The following CFAP54 variants were observed in gnomAD, a reference collection of about 807,000 sequenced individuals.
CFAP54 encodes the protein cilia- and flagella-associated protein 54.
Under a neutral mutation model 370.4 loss-of-function variants are expected in CFAP54, and 290 were observed. The observed-to-expected ratio is 0.78, with a 90% CI of 0.71 to 0.86. The LOEUF (loss-of-function observed/expected upper bound fraction) is 0.86, where lower values mean the gene tolerates loss of function less well. CFAP54 is among the 40% of genes least tolerant of loss of function. CFAP54 has a pLI of 0.00. For missense variants in CFAP54, 3,399 were observed against 3,528.7 expected (o/e 0.96, Z 0.93); for synonymous variants, 1,206 against 1,236.5 (o/e 0.98, Z 0.52).
intron 66 of CFAP54, among the ~76,000 whole-genome samples, chr12:96,843,616 A>G (rs777367145): frequency 1.3e-5 from 2 of 152,114 alleles, no homozygotes; most frequent in Non-Finnish European, 1.5e-5. Context: ...CTCTCCTTCA[A>G]CTTGTAACTG....
chr12:96,865,778 T>C (rs909844657), intron 67 of CFAP54, among the ~76,000 whole-genome samples: 3 of 152,176 alleles, frequency 2.0e-5, no homozygotes, highest in Admixed American at 2.0e-4. Flanking sequence ...ATGATTCTCA[T>C]CTCATTATAT....
intron 67 of CFAP54, among the ~76,000 whole-genome samples, chr12:96,864,250 G>A (rs185316375): frequency 6.6e-6 from 1 of 152,088 alleles, no homozygotes; most frequent in Non-Finnish European, 1.5e-5. Context: ...AAACTGAAAG[G>A]GGGAGAAGAA....
intron 55 of CFAP54, among the ~76,000 whole-genome samples, chr12:96,753,215 T>TG (rs1319891075): frequency 6.6e-6 from 1 of 152,208 alleles, no homozygotes; most frequent in Non-Finnish European, 1.5e-5. Flanking sequence ...TGTTAAATAA[T>TG]GATGGGGCCT....
At chr12:96,721,427 TGAAG>T (rs1162479124) in intron 50 of CFAP54, among the ~76,000 whole-genome samples, 26 of 152,210 alleles carry the variant, frequency 1.7e-4, no homozygotes, top group African/African-American at 6.3e-4. Context: ...ATCTAGGCAG[TGAAG>T]ATATAAAGAT....
intron 58 of CFAP54, among the ~76,000 whole-genome samples, chr12:96,757,998 A>G (rs550586261): frequency 6.6e-6 from 1 of 152,332 alleles, no homozygotes; most frequent in Non-Finnish European, 1.5e-5. Context: ...GATATGGCCT[A>G]TAAACAGATT....
At chr12:96,738,778 A>AT (rs1958013132) in intron 50 of CFAP54, among the ~76,000 whole-genome samples, 1 of 151,762 alleles carries the variant, frequency 6.6e-6, no homozygotes, top group Non-Finnish European at 1.5e-5. Flanking sequence ...GCCTGGCTAA[A>AT]TTTTTGTATT....
chr12:96,665,285 T>C (rs963611051), intron 39 of CFAP54, among the ~76,000 whole-genome samples: 1 of 152,178 alleles, frequency 6.6e-6, no homozygotes, highest in African/African-American at 2.4e-5. Context: ...TTTACAATGT[T>C]GATAGTTTCT....
intron 38 of CFAP54, among the ~76,000 whole-genome samples, chr12:96,661,859 A>G (rs1258318541): frequency 6.6e-6 from 1 of 152,178 alleles, no homozygotes; most frequent in African/African-American, 2.4e-5. Flanking sequence ...ATCATTTCTT[A>G]GATGAAGAAT....
At chr12:96,776,519 A>C (rs1958519515) in intron 60 of CFAP54, among the ~76,000 whole-genome samples, 1 of 152,226 alleles carries the variant, frequency 6.6e-6, no homozygotes, top group Non-Finnish European at 1.5e-5. Context: ...TTCTGCAGAC[A>C]ATCTGCTGCA....
chr12:96,774,615 C>G (rs2136682544), intron 60 of CFAP54, among the ~76,000 whole-genome samples: 1 of 152,164 alleles, frequency 6.6e-6, no homozygotes, highest in African/African-American at 2.4e-5. Flanking sequence ...TGTGTTAAGT[C>G]TGGAAGCAGC....
chr12:96,706,534 G>A (rs1413588349), intron 47 of CFAP54, among the ~76,000 whole-genome samples: 1 of 152,188 alleles, frequency 6.6e-6, no homozygotes, highest in African/African-American at 2.4e-5. Context: ...AGCAGTAGGA[G>A]ATAAGGTCAG....
intron 39 of CFAP54, among the ~76,000 whole-genome samples, chr12:96,670,070 C>T (rs1180364501): frequency 2.6e-5 from 4 of 152,140 alleles, no homozygotes; most frequent in Non-Finnish European, 5.9e-5. Context: ...GGCTGCTCAT[C>T]ATGGTGGAAT....
At chr12:96,828,070 AATTATAT>A (rs1468071855) in intron 65 of CFAP54, among the ~76,000 whole-genome samples, 2 of 130,640 alleles carry the variant, frequency 1.5e-5, no homozygotes, top group East Asian at 2.0e-4. Flanking sequence ...ATTAATATAT[AATTATAT>A]ATTATATATA....
At chr12:96,834,672 G>A (rs1478793004) in intron 66 of CFAP54, among the ~76,000 whole-genome samples, 1 of 152,266 alleles carries the variant, frequency 6.6e-6, no homozygotes, top group Non-Finnish European at 1.5e-5. Context: ...AGAAGTAACA[G>A]CCTTGGCTTG....
intron 50 of CFAP54, among the ~76,000 whole-genome samples, chr12:96,738,476 C>A (rs1958006384): frequency 6.6e-6 from 1 of 152,108 alleles, no homozygotes; most frequent in Non-Finnish European, 1.5e-5. Flanking sequence ...CTTGCCTCTT[C>A]CGGCTTCTGG....
Position 96,506,975 on chromosome 12 carries a change from C to A in CFAP54, c.615C>A (p.Cys205Ter). The A allele has an allele frequency of 6.5e-7, 1 of 1,535,438 alleles. No individual in the cohort carries two copies. Among genetic ancestry groups the A allele is most frequent in the Non-Finnish European group, 8.7e-7 (1 of 1,146,682 alleles). Residue 205 changes from cysteine to a stop codon, truncating the protein, a stop_gained, in exon 4 of 68, where the codon TGC (cysteine) becomes TGA (stop). Coordinates refer to ENST00000524981, the MANE Select transcript of CFAP54 (RefSeq NM_001306084.2). LOFTEE classifies it high-confidence loss of function. ...ATATGTGCAACTACCAGCTGGTCTGCGACAGTGATGAAAACCTGAAGAATA... is the reference window on the plus strand; with the variant it reads ...ATATGTGCAACTACCAGCTGGTCTGAGACAGTGATGAAAACCTGAAGAATA... ...GKNMCNYQLV[C>*]DSDENLKNKE...
chr12:96,854,253 A>G (rs1269673123), intron 66 of CFAP54, among the ~76,000 whole-genome samples: 1 of 152,154 alleles, frequency 6.6e-6, no homozygotes, highest in Non-Finnish European at 1.5e-5. Context: ...TATAATTTCA[A>G]CATATTAATA....
rs1004336567 is a variant in CFAP54 at position 96,601,563 on chromosome 12, C to T, written c.3639+2796C>T. 2.3e-4 allele frequency among the ~76,000 whole-genome samples: 35 copies of T among 152,262 alleles called. 1 individual carries two copies. Among genetic ancestry groups the T allele is most frequent in the African/African-American group, 6.7e-4 (28 of 41,566 alleles). On this transcript the variant is annotated intron_variant, in intron 26 of 67. Transcript: ENST00000524981. Reference sequence around the variant, plus strand: ...TCCTCCTTCTACCTCTGGTAGAATTCGGCCGTGAATCCATCTGGTCCTGGA... The same window carrying T: ...TCCTCCTTCTACCTCTGGTAGAATTTGGCCGTGAATCCATCTGGTCCTGGA...
At chr12:96,592,896 A>G (rs746091513) in intron 24 of CFAP54, among the ~76,000 whole-genome samples, 3 of 152,196 alleles carry the variant, frequency 2.0e-5, no homozygotes, top group Non-Finnish European at 2.9e-5. Context: ...GAAAATATAT[A>G]ATGTATAAAG....
Sources: gnomAD v4.1 joint callset for allele counts (sites outside exome capture counted in the v4.1 genomes callset) on GRCh38, gnomAD v4.1.1 for gene constraint, MANE v1.5 for transcripts, NCBI Gene and HGNC (gene_info 2026-07-23, HGNC 2026-07-21) for gene names.